The following SLC19A1 variants were observed in gnomAD, a reference collection of about 807,000 sequenced individuals.
SLC19A1 encodes reduced folate transporter.
Under a neutral mutation model 35.3 loss-of-function variants are expected in SLC19A1, and 37 were observed. The ratio of observed to expected loss-of-function variants is 1.05; its 90% CI spans 0.81 to 1.38. The LOEUF is 1.38. Ranked by LOEUF, SLC19A1 falls within the 40% of genes most tolerant of loss-of-function variation. The pLI is 0.00. For missense variants in SLC19A1, 831 were observed against 826.9 expected (o/e 1.00, Z -0.06); for synonymous variants, 460 against 398.5 (o/e 1.15, Z -1.84).
At chr21:45,520,853 T>A (rs1391071789) in intron 5 of SLC19A1, among the ~76,000 whole-genome samples, 2 of 151,738 alleles carry the variant, frequency 1.3e-5, no homozygotes, top group African/African-American at 4.8e-5. Flanking sequence ...AAACCCCGTC[T>A]CTACTAAAAA....
At chr21:45,507,707 G>A (rs115471482), downstream of SLC19A1, 1,222 of 995,968 alleles carry the variant, frequency 1.2e-3, 12 homozygotes, top group African/African-American at 0.017. Flanking sequence ...AGCTGAACAT[G>A]TGGCTCACCA....
downstream of SLC19A1, among the ~76,000 whole-genome samples, chr21:45,511,961 C>T (rs1001746315): frequency 1.3e-5 from 2 of 152,222 alleles, no homozygotes; most frequent in African/African-American, 4.8e-5. Flanking sequence ...TCCCCTCTGC[C>T]GTGGGTGTGT....
downstream of SLC19A1, chr21:45,511,323 CA>C: frequency 1.4e-6 from 1 of 720,108 alleles, no homozygotes; most frequent in Non-Finnish European, 2.5e-6. Context: ...AGTTTTTGGA[CA>C]AATCTTATAC....
downstream of SLC19A1, among the ~76,000 whole-genome samples, chr21:45,509,053 T>G (rs531043576): frequency 1.1e-3 from 161 of 152,164 alleles, 1 homozygote; most frequent in African/African-American, 3.8e-3. Flanking sequence ...GGGCCCTGAA[T>G]TGGAGCCGCG....
chr21:45,553,661 T>TCCCAGTCCTCCACGCCCCC (rs2078492254), intron 1 of SLC19A1, among the ~76,000 whole-genome samples: 1 of 3,070 alleles, frequency 3.3e-4, no homozygotes, highest in Non-Finnish European at 5.5e-4. Flanking sequence ...CCGCGCCCCC[T>TCCCAGTCCTCCACGCCCCC]TCCCAGTCCC....
At chr21:45,541,564 G>T (rs2146458628) in intron 1 of SLC19A1, among the ~76,000 whole-genome samples, 1 of 152,344 alleles carries the variant, frequency 6.6e-6, no homozygotes, top group Non-Finnish European at 1.5e-5. Context: ...CAGGACCCTA[G>T]GGGGATGGCT....
chr21:45,553,260 A>G (rs1238472850), intron 1 of SLC19A1, among the ~76,000 whole-genome samples: 1 of 151,902 alleles, frequency 6.6e-6, no homozygotes, highest in Non-Finnish European at 1.5e-5. Context: ...AGGGGACGGG[A>G]GCCGCTGACC....
At chr21:45,558,911 C>T (rs1471143346) in intron 1 of SLC19A1, among the ~76,000 whole-genome samples, 2 of 151,520 alleles carry the variant, frequency 1.3e-5, no homozygotes, top group African/African-American at 4.9e-5. Flanking sequence ...CAGGTTCAAG[C>T]GATTCTCCTG....
intron 1 of SLC19A1, among the ~76,000 whole-genome samples, chr21:45,556,009 C>A (rs1170416535): frequency 1.3e-5 from 2 of 152,200 alleles, no homozygotes; most frequent in Non-Finnish European, 2.9e-5. Context: ...CCAGGAAGAC[C>A]CCCGCCCTAA....
intron 5 of SLC19A1, among the ~76,000 whole-genome samples, chr21:45,524,166 C>T (rs1221250497): frequency 2.3e-5 from 3 of 132,120 alleles, no homozygotes; most frequent in Admixed American, 1.5e-4. Context: ...CTTGGAGGCT[C>T]ATCACCCTGA....
chr21:45,551,435 C>T (rs1024013611), intron 1 of SLC19A1, among the ~76,000 whole-genome samples: 3 of 151,970 alleles, frequency 2.0e-5, no homozygotes, highest in Non-Finnish European at 2.9e-5. Context: ...TAATTCATTC[C>T]TCTCACGGGG....
rs1355760222 is a variant in SLC19A1 at position 45,525,826 on chromosome 21, G to A, written c.1284C>T (p.Val428=). 1 of 1,613,222 alleles carries A rather than the reference G, an allele frequency of 6.2e-7. No homozygotes were observed. The change falls in exon 5 of 6, where the codon GTC becomes GTT. Residue 428 remains valine, a synonymous_variant. Transcript: ENST00000311124. The part of the protein sequence containing the change: ...VSDVRGLGLP[V]RKQFQLYSVY... ...CCTGAAATGGGCTCACCTGCTTGCG[G>A]ACCGGGAGGCCCAGGCCCCGCACGT...
At chr21:45,526,026 G>C in intron 4 of SLC19A1, 68 bp from the exon 5 acceptor site, 4 of 1,558,932 alleles carry the variant, frequency 2.6e-6, no homozygotes, top group Non-Finnish European at 3.5e-6. Flanking sequence ...GGAAAAGCCT[G>C]CAGCCCGGCT....
chr21:45,510,685 GCCC>G (rs1191827502), downstream of SLC19A1, among the ~76,000 whole-genome samples: 4 of 152,184 alleles, frequency 2.6e-5, no homozygotes, highest in African/African-American at 9.7e-5. Context: ...TTATTCTGTG[GCCC>G]CTTTTCGTGC....
rs1358655458 is a variant in SLC19A1, at chr21:45,503,724, C to T, written c.498-5112G>A. Among the ~76,000 whole-genome samples, 4 of 151,618 alleles carry T rather than the reference C, an allele frequency of 2.6e-5. No homozygotes were observed. The East Asian group carries it at 7.8e-4, about 29-fold the overall frequency. ...GTGGGTGCAGCACACCAGCATGGCA[C>T]ATGTATACATATGTAACTAACCTGC... On this transcript the variant is annotated intron_variant, in intron 3 of 4. Transcript: ENST00000417954.
rs376582935 is a variant in SLC19A1 at position 45,516,268 on chromosome 21, G to A, written c.1294-128C>T. The A allele has an allele frequency of 5.5e-4, 386 of 704,072 alleles. 1 individual carries two copies. The highest frequency in any genetic ancestry group is 7.0e-4 in the South Asian group (37 of 52,690). 43.6% of individuals were successfully genotyped at this position (704,072 alleles called of 1,614,324 possible). ...AGGCTGACCCTGAACACTGCACAGC[G>A]GTCAGAGGCCAGCCCCAGGAGCAGG... On this transcript the variant is annotated intron_variant, in intron 5 of 5. Coordinates refer to ENST00000311124, the MANE Select transcript of SLC19A1 (RefSeq NM_194255.4).
chr21:45,551,464 T>C (rs920492899), intron 1 of SLC19A1, among the ~76,000 whole-genome samples: 1 of 152,208 alleles, frequency 6.6e-6, no homozygotes, highest in Non-Finnish European at 1.5e-5. Context: ...GCCAGGCCCA[T>C]GGACGCTGTG....
At chr21:45,503,080 A>G (rs1453342621) in intron 3 of SLC19A1, 1 of 152,226 alleles carries the variant, frequency 6.6e-6, no homozygotes, top group Non-Finnish European at 1.5e-5. Flanking sequence ...CTTTGTGTAT[A>G]TACCCAGTAA....
chr21:45,540,760 C>T lies in SLC19A1; in HGVS notation c.-50+1608G>A, dbSNP rs1313913969. 9.9e-5 allele frequency among the ~76,000 whole-genome samples: 15 copies of T among 152,188 alleles called. No individual in the cohort carries two copies. Among genetic ancestry groups the T allele is most frequent in the Non-Finnish European group, 4.4e-5 (3 of 68,052 alleles). On this transcript the variant is annotated intron_variant, in intron 1 of 5. Transcript: ENST00000311124. The surrounding 1 kb of genome is among the most constrained non-coding windows in gnomAD (Gnocchi z 5.5). ...CTTCCCGGCATCTGAAGGAAGTCCCCGACCAGACAGGAGGGCCACGGGGAA... is the reference window on the plus strand; with the variant it reads ...CTTCCCGGCATCTGAAGGAAGTCCCTGACCAGACAGGAGGGCCACGGGGAA...
Sources: allele counts gnomAD v4.1 joint callset (sites outside exome capture counted in the v4.1 genomes callset), GRCh38; gene constraint gnomAD v4.1.1; non-coding constraint Gnocchi (gnomAD v3.1); transcripts MANE v1.5; gene names NCBI Gene and HGNC (gene_info 2026-07-23, HGNC 2026-07-21).